PTPN9: variants seen among roughly 807,000 people sequenced by gnomAD.
PTPN9 encodes tyrosine-protein phosphatase non-receptor type 9.
Under a neutral mutation model 69.8 loss-of-function variants are expected in PTPN9, and 26 were observed. That is an observed-to-expected ratio of 0.37 (90% CI 0.27 to 0.52). The LOEUF (loss-of-function observed/expected upper bound fraction) is 0.52. Ranked by LOEUF, PTPN9 falls within the 20% of genes least tolerant of loss-of-function variation. The pLI, the probability that PTPN9 is intolerant of heterozygous loss-of-function variation, is 0.91. For missense variants in PTPN9, 549 were observed against 740.3 expected (o/e 0.74, Z 3.00); for synonymous variants, 274 against 272.5 (o/e 1.01, Z -0.05).
intron 8 of PTPN9, among the ~76,000 whole-genome samples, chr15:75,489,530 A>G (rs2074697787): frequency 6.6e-6 from 1 of 152,194 alleles, no homozygotes; most frequent in Non-Finnish European, 1.5e-5. Flanking sequence ...TCAAGGTTGC[A>G]GTGAGCTGTG....
chr15:75,499,726 A>T (rs1287597728), intron 7 of PTPN9, among the ~76,000 whole-genome samples: 1 of 151,700 alleles, frequency 6.6e-6, no homozygotes, highest in East Asian at 1.9e-4. Context: ...TTAATGGAGG[A>T]GGGGAGACTC....
chr15:75,480,614 A>C, intron 8 of PTPN9: 1 of 1,152,116 alleles, frequency 8.7e-7, no homozygotes, highest in Non-Finnish European at 1.1e-6. Flanking sequence ...GGCAGTGCGG[A>C]GCCGGGACAG....
At chr15:75,509,166 TA>T in intron 5 of PTPN9, 139 bp from the exon 6 acceptor site, 1 of 625,416 alleles carries the variant, frequency 1.6e-6, no homozygotes, top group South Asian at 2.1e-5. Context: ...TCTCAGCAGC[TA>T]GAGGAAAAGT....
intron 8 of PTPN9, chr15:75,480,716 A>G: frequency 7.6e-7 from 1 of 1,312,710 alleles, no homozygotes. Context: ...CACAGCCGGG[A>G]GGATGGAGTT....
intron 9 of PTPN9, 46 bp downstream of exon 9, chr15:75,479,802 T>A (rs1221304153): frequency 1.4e-6 from 2 of 1,479,992 alleles, no homozygotes; most frequent in East Asian, 4.6e-5. Context: ...CAAGGAATCA[T>A]AAGTAGATGG....
At chr15:75,474,287 T>C (rs1460273629) in intron 9 of PTPN9, among the ~76,000 whole-genome samples, 1 of 152,124 alleles carries the variant, frequency 6.6e-6, no homozygotes, top group Non-Finnish European at 1.5e-5. Context: ...TGGGAGGCCA[T>C]GGCAGGCAGG....
intron 1 of PTPN9, among the ~76,000 whole-genome samples, chr15:75,572,497 A>T (rs2075152566): frequency 6.6e-6 from 1 of 152,014 alleles, no homozygotes; most frequent in Admixed American, 6.6e-5. Context: ...ATCACTTGAG[A>T]TCAGGAGTTG....
At chr15:75,501,314 A>G (rs894185356) in intron 7 of PTPN9, among the ~76,000 whole-genome samples, 1 of 152,168 alleles carries the variant, frequency 6.6e-6, no homozygotes, top group African/African-American at 2.4e-5. Flanking sequence ...CACATATTAT[A>G]CAGAGGAAAA....
At chr15:75,515,334 G>A (rs1287858052) in intron 5 of PTPN9, among the ~76,000 whole-genome samples, 1 of 151,526 alleles carries the variant, frequency 6.6e-6, no homozygotes, top group East Asian at 1.9e-4. Flanking sequence ...GGCTGAGGCA[G>A]GAGAACGGCG....
At chr15:75,560,332 G>A (rs2075099032) in intron 1 of PTPN9, among the ~76,000 whole-genome samples, 1 of 152,038 alleles carries the variant, frequency 6.6e-6, no homozygotes, top group Admixed American at 6.6e-5. Flanking sequence ...TTTTAATCTT[G>A]CTGGCTACAC....
chr15:75,488,041 G>T (rs2074688504), intron 8 of PTPN9, among the ~76,000 whole-genome samples: 1 of 152,128 alleles, frequency 6.6e-6, no homozygotes, highest in South Asian at 2.1e-4. Flanking sequence ...AGCACTTTGG[G>T]AGGCTGAGGC....
chr15:75,505,598 G>A (rs1179087285), intron 7 of PTPN9, 77 bp downstream of exon 7: 9 of 1,061,660 alleles, frequency 8.5e-6, no homozygotes, highest in African/African-American at 7.9e-5. Flanking sequence ...AGCAAGTGAG[G>A]GGTGGAAGGA....
intron 7 of PTPN9, among the ~76,000 whole-genome samples, chr15:75,504,592 A>T (rs1199909030): frequency 8.1e-6 from 1 of 123,402 alleles, no homozygotes; most frequent in Non-Finnish European, 1.7e-5. Flanking sequence ...CCTACTGGGA[A>T]GTGAGGAGCC....
In PTPN9 at chr15:75,468,014, C is replaced by T. The variant is rs2074544264; in HGVS notation, c.*755G>A. The T allele has an allele frequency of 6.6e-6, 1 of 152,546 alleles. No homozygotes were observed. The highest frequency in any genetic ancestry group is 1.9e-4 in the East Asian group (1 of 5,192). 9.4% of individuals were successfully genotyped at this position (152,546 alleles called of 1,614,324 possible). On this transcript the variant is annotated 3_prime_UTR_variant, in exon 13 of 13. Transcript: ENST00000618819. ...GAACATGGAGGAGATGTGTGTGTGT[C>T]CTCTTCCACCACTCTGTAGCCTGAC... is the stretch of plus-strand genomic sequence containing the variant.
chr15:75,567,888 C>G (rs1188215941), intron 1 of PTPN9, among the ~76,000 whole-genome samples: 1 of 151,252 alleles, frequency 6.6e-6, no homozygotes, highest in African/African-American at 2.4e-5. Flanking sequence ...CCCAGCTACT[C>G]AGGAGACTGA....
chr15:75,563,111 G>T (rs1008732081), intron 1 of PTPN9, among the ~76,000 whole-genome samples: 5 of 152,072 alleles, frequency 3.3e-5, no homozygotes, highest in African/African-American at 1.2e-4. Flanking sequence ...GTAGGCCCAG[G>T]TGTCTATTGT....
intron 9 of PTPN9, among the ~76,000 whole-genome samples, chr15:75,478,585 T>C (rs2074610287): frequency 6.6e-6 from 1 of 152,220 alleles, no homozygotes; most frequent in Admixed American, 6.5e-5. Context: ...TTCTCTTTAG[T>C]CTCCCTTTAA....
chr15:75,578,493 G>C (rs2075183893), intron 1 of PTPN9, among the ~76,000 whole-genome samples: 1 of 152,192 alleles, frequency 6.6e-6, no homozygotes, highest in Non-Finnish European at 1.5e-5. Context: ...GGTAAGCCTC[G>C]GCGAAAGAAG....
chr15:75,562,758 A>G (rs929755008), intron 1 of PTPN9, among the ~76,000 whole-genome samples: 2 of 131,326 alleles, frequency 1.5e-5, no homozygotes, highest in South Asian at 2.4e-4. Context: ...CGTGAACTGC[A>G]CTCCAGCCTG....
Sources: gnomAD v4.1 joint callset for allele counts (sites outside exome capture counted in the v4.1 genomes callset) on GRCh38, gnomAD v4.1.1 for gene constraint, MANE v1.5 for transcripts, NCBI Gene and HGNC (gene_info 2026-07-23, HGNC 2026-07-21) for gene names.